The following MAPK6 variants were observed in gnomAD, a reference collection of about 807,000 sequenced individuals.
MAPK6 encodes mitogen-activated protein kinase 6.
Under a neutral mutation model 59.3 loss-of-function variants are expected in MAPK6, and 19 were observed. The observed-to-expected ratio is 0.32, with a 90% CI of 0.22 to 0.47. The LOEUF is 0.47. MAPK6 is among the 20% of genes least tolerant of loss of function. The pLI is 1.00. For missense variants in MAPK6, 724 were observed against 847.9 expected (o/e 0.85, Z 1.81); for synonymous variants, 316 against 290.3 (o/e 1.09, Z -0.90).
intron 3 of MAPK6, among the ~76,000 whole-genome samples, chr15:52,054,789 A>AT (rs1029032153): frequency 1.5e-4 from 22 of 148,260 alleles, no homozygotes; most frequent in Non-Finnish European, 2.1e-4. Context: ...TATATATATA[A>AT]TTTTTTTTTT....
chr15:52,061,262 A>G (rs769183158), intron 4 of MAPK6, 37 bp from the exon 5 acceptor site: 21 of 1,502,620 alleles, frequency 1.4e-5, no homozygotes, highest in East Asian at 2.3e-5. Context: ...AAGGTAAGCA[A>G]TTCTTTTCTG....
intron 1 of MAPK6, among the ~76,000 whole-genome samples, chr15:52,032,596 T>G (rs1220475815): frequency 6.6e-6 from 1 of 152,230 alleles, no homozygotes; most frequent in Non-Finnish European, 1.5e-5. Flanking sequence ...TGGTGTATTT[T>G]TCTTTCATCC....
At chr15:51,999,726 C>T (rs1012271225) in intron 2 of MAPK6, among the ~76,000 whole-genome samples, 1 of 152,184 alleles carries the variant, frequency 6.6e-6, no homozygotes, top group Non-Finnish European at 1.5e-5. Context: ...TCACTTCAAC[C>T]TCCACCTCCT....
intron 1 of MAPK6, among the ~76,000 whole-genome samples, chr15:51,972,912 G>T (rs538835477): frequency 6.6e-6 from 1 of 151,910 alleles, no homozygotes; most frequent in South Asian, 2.1e-4. Context: ...AGGAAACTGA[G>T]AATGGAGGAT....
chr15:52,038,248 G>A (rs117589713), intron 1 of MAPK6, among the ~76,000 whole-genome samples: 1,940 of 152,090 alleles, frequency 0.013, 61 homozygotes, highest in East Asian at 0.076. Flanking sequence ...TGAATGAAAC[G>A]TAATGGATGG....
chr15:52,037,539 C>G (rs1165450822), intron 1 of MAPK6, among the ~76,000 whole-genome samples: 1 of 152,176 alleles, frequency 6.6e-6, no homozygotes, highest in Non-Finnish European at 1.5e-5. Context: ...TTCAGTGGCA[C>G]AGTCCCTCCC....
In MAPK6 at chr15:52,026,784, G is replaced by C. The variant is rs1244846832; in HGVS notation, c.-632+7408G>C. Among the ~76,000 whole-genome samples the C allele has an allele frequency of 4.6e-5, 7 of 152,114 alleles. No individual in the cohort carries two copies. In the South Asian group the frequency reaches 1.5e-3, roughly 32 times the overall value. ...ATGCCTGTCATGGCTGGGCGCGATG[G>C]CTCATGCCTGTAATCTCAGCACTTT... On this transcript the variant is annotated intron_variant, in intron 1 of 5. Transcript: ENST00000261845.
chr15:52,055,766 CA>C (rs2031956824), intron 3 of MAPK6, among the ~76,000 whole-genome samples: 1 of 152,176 alleles, frequency 6.6e-6, no homozygotes, highest in African/African-American at 2.4e-5. Context: ...TTACCTGCCT[CA>C]GCCTTCCAAA....
chr15:51,998,848 G>A (rs577230668), intron 2 of MAPK6, among the ~76,000 whole-genome samples: 13 of 148,012 alleles, frequency 8.8e-5, no homozygotes, highest in African/African-American at 3.3e-4. Context: ...CTGCCACCAC[G>A]CCTGGCTAAT....
intron 2 of MAPK6, among the ~76,000 whole-genome samples, chr15:52,049,351 ATTTTTTTTTTTTTTTT>A (rs60965378): frequency 9.1e-6 from 1 of 109,736 alleles, no homozygotes; most frequent in Non-Finnish European, 1.8e-5. Flanking sequence ...GAGTTATATA[ATTTTTTTTTTTTTTTT>A]TTTTTTTTTA....
intron 2 of MAPK6, among the ~76,000 whole-genome samples, chr15:51,998,840 G>A (rs565020548): frequency 2.5e-4 from 37 of 150,206 alleles, no homozygotes; most frequent in African/African-American, 9.1e-4. Context: ...ACAGGCACCT[G>A]CCACCACGCC....
At chr15:52,037,845 C>G (rs2031294362) in intron 1 of MAPK6, among the ~76,000 whole-genome samples, 1 of 152,130 alleles carries the variant, frequency 6.6e-6, no homozygotes, top group African/African-American at 2.4e-5. Flanking sequence ...TTGATTCATT[C>G]AGTACATATT....
intron 1 of MAPK6, 136 bp from the exon 2 acceptor site, chr15:52,045,694 T>C (rs2031573286): frequency 6.6e-6 from 1 of 152,578 alleles, no homozygotes; most frequent in Admixed American, 6.5e-5. Flanking sequence ...GGGTAATTTG[T>C]CACTTAATGA....
upstream of MAPK6, among the ~76,000 whole-genome samples, chr15:52,018,462 T>G (rs1455470703): frequency 6.6e-6 from 1 of 152,252 alleles, no homozygotes; most frequent in Non-Finnish European, 1.5e-5. Context: ...GACCTGCGTC[T>G]CTAATTTCAT....
intron 1 of MAPK6, among the ~76,000 whole-genome samples, chr15:52,021,754 A>G (rs1192861625): frequency 1.3e-5 from 2 of 152,202 alleles, no homozygotes; most frequent in Non-Finnish European, 2.9e-5. Context: ...ATTTAATCAG[A>G]TATGGCTCTG....
At chr15:52,033,977 T>G (rs911401561) in intron 1 of MAPK6, 4 of 152,154 alleles carry the variant, frequency 2.6e-5, no homozygotes, top group Non-Finnish European at 5.9e-5. Flanking sequence ...TTTTTGTTTC[T>G]TTTTTTCCTG....
At position 52,058,857 on chromosome 15, in the gene MAPK6, AG is replaced by A. The variant is rs1260287398; in HGVS notation, c.865+63del. 4 of 1,424,784 alleles carry A rather than the reference AG, an allele frequency of 2.8e-6. No homozygotes were observed. The African/African-American group carries it at 5.7e-5, about 20-fold the overall frequency. The allele number at this position is 1,424,784 out of a possible 1,614,324, so 88.3% of individuals were successfully genotyped here. On this transcript the variant is annotated intron_variant, in intron 4 of 5. Coordinates refer to ENST00000261845, the MANE Select transcript of MAPK6 (RefSeq NM_002748.4). ...CCTGTGTGTGAGGCAGAATCTGTGT[AG>A]GGAAGCTGGAGCTTTTTATCCTTAG...
chr15:52,031,835 A>G lies in MAPK6; in HGVS notation c.-632+12459A>G, dbSNP rs1044777452. Among the ~76,000 whole-genome samples, 74 of 152,246 alleles carry G rather than the reference A, an allele frequency of 4.9e-4. 1 individual carries two copies. The highest frequency in any genetic ancestry group is 3.4e-3 in the Middle Eastern group (1 of 294). Reference sequence around the variant, plus strand: ...GCAAGCGAGATCCTGTCTCAAGATAAATAAAATAAAAATTTCACCATTTTA... The same window carrying G: ...GCAAGCGAGATCCTGTCTCAAGATAGATAAAATAAAAATTTCACCATTTTA... On this transcript the variant is annotated intron_variant, in intron 1 of 5. Coordinates refer to ENST00000261845, the MANE Select transcript of MAPK6 (RefSeq NM_002748.4).
chr15:52,017,919 T>C (rs2030322699), upstream of MAPK6: 1 of 152,238 alleles, frequency 6.6e-6, no homozygotes. Context: ...CCCTTTCTCT[T>C]GGTTTTTTTC....
Sources: gnomAD v4.1 joint callset for allele counts (sites outside exome capture counted in the v4.1 genomes callset) on GRCh38, gnomAD v4.1.1 for gene constraint, MANE v1.5 for transcripts, NCBI Gene and HGNC (gene_info 2026-07-23, HGNC 2026-07-21) for gene names.